The following ATF3 variants were observed in gnomAD, a reference collection of about 807,000 sequenced individuals.
ATF3 encodes cyclic AMP-dependent transcription factor ATF-3.
Under a neutral mutation model 18.4 loss-of-function variants are expected in ATF3, and 10 were observed. The observed-to-expected ratio is 0.54, with a 90% confidence interval of 0.34 to 0.92. The LOEUF is 0.92. Among genes scored for constraint, ATF3 ranks in the 40% least tolerant of loss-of-function variants. ATF3 has a pLI of 0.02. For missense variants in ATF3, 183 were observed against 222.3 expected, an observed-to-expected ratio of 0.82 and a Z score of 1.12; for synonymous variants, 78 against 87.9, an observed-to-expected ratio of 0.89 and a Z score of 0.63.
intron 1 of ATF3, among the ~76,000 whole-genome samples, chr1:212,590,662 T>G (rs1664867055): frequency 6.6e-6 from 1 of 152,210 alleles, no homozygotes; most frequent in African/African-American, 2.4e-5. Context: ...GAATTCAGTG[T>G]GAACACAGAG....
rs1215132248 is a variant in ATF3, at chr1:212,610,458, C to T, written c.-5+1528C>T. Among the ~76,000 whole-genome samples, 3 of 152,142 alleles carry T rather than the reference C, an allele frequency of 2.0e-5. No homozygotes were observed. In the East Asian group the frequency reaches 5.8e-4, roughly 29 times the overall value. ...AGAATAATGCTACAACATACAGGCT[C>T]CTGCTTTGAGGATATCCTGGGCAAA... On this transcript the variant is annotated intron_variant, in intron 1 of 3. Transcript: ENST00000341491.
At chr1:212,571,017 T>C (rs1664469473) in intron 1 of ATF3, among the ~76,000 whole-genome samples, 2 of 152,216 alleles carry the variant, frequency 1.3e-5, no homozygotes, top group Admixed American at 6.5e-5. Flanking sequence ...TAGATGTATA[T>C]TTCATTTTAT....
chr1:212,592,134 C>T (rs1013778006), intron 1 of ATF3, among the ~76,000 whole-genome samples: 1 of 151,724 alleles, frequency 6.6e-6, no homozygotes, highest in African/African-American at 2.4e-5. Context: ...AACTCTGTAC[C>T]CATTAAACAA....
intron 1 of ATF3, among the ~76,000 whole-genome samples, chr1:212,566,155 G>A (rs1193802342): frequency 6.6e-6 from 1 of 152,152 alleles, no homozygotes; most frequent in Non-Finnish European, 1.5e-5. Context: ...TTGGCAGCTG[G>A]TTCTGCCAAG....
chr1:212,571,869 G>T (rs1438482717), intron 1 of ATF3, among the ~76,000 whole-genome samples: 2 of 151,610 alleles, frequency 1.3e-5, no homozygotes, highest in Non-Finnish European at 2.9e-5. Flanking sequence ...CCGCCACCAG[G>T]CCCGGCTAAT....
At position 212,618,388 on chromosome 1, in the gene ATF3, G is replaced by A. The variant is rs1030620911; in HGVS notation, c.348+154G>A. 3 of 795,426 alleles carry A rather than the reference G, an allele frequency of 3.8e-6. No individual in the cohort carries two copies. Among genetic ancestry groups the A allele is most frequent in the Non-Finnish European group, 6.7e-6 (3 of 449,978 alleles). The allele number at this position is 795,426 out of a possible 1,614,324, so 49.3% of individuals were successfully genotyped here. A position where few individuals can be genotyped will look rare whatever the true frequency, so the allele number is the denominator to read the frequency against. ...GTAGCAGAAATGCCAGTTGCAGAAT[G>A]AGGAGGTGGCAAAGCAGTTAACACA... On this transcript the variant is annotated intron_variant, in intron 3 of 3. Coordinates refer to ENST00000341491, the MANE Select transcript of ATF3 (RefSeq NM_001674.4). The surrounding 1 kb of genome is among the most constrained non-coding windows in gnomAD (Gnocchi z 4.4).
rs762608203 is a variant in ATF3, at chr1:212,620,087, G to A, written c.*532G>A. ...AGAAAACTAGGCAATGTACTCTTCC[G>A]ATGTTTGTGTCACACAACACTGATG... On this transcript the variant is annotated 3_prime_UTR_variant, in exon 4 of 4. Coordinates refer to ENST00000341491, the MANE Select transcript of ATF3 (RefSeq NM_001674.4). The A allele has an allele frequency of 1.1e-4, 19 of 173,154 alleles. No individual in the cohort carries two copies. The highest frequency in any genetic ancestry group is 1.4e-4 in the African/African-American group (6 of 42,066). The allele number at this position is 173,154 out of a possible 1,614,324, so 10.7% of individuals were successfully genotyped here. A position where few individuals can be genotyped will look rare whatever the true frequency, so the allele number is the denominator to read the frequency against.
chr1:212,572,338 GA>G (rs1664500430), intron 1 of ATF3, among the ~76,000 whole-genome samples: 1 of 152,008 alleles, frequency 6.6e-6, no homozygotes, highest in Non-Finnish European at 1.5e-5. Flanking sequence ...CCAAGATGGA[GA>G]AACCCCCATC....
intron 1 of ATF3, among the ~76,000 whole-genome samples, chr1:212,609,610 G>A (rs576168755): frequency 6.6e-6 from 1 of 152,296 alleles, no homozygotes; most frequent in East Asian, 1.9e-4. Context: ...GCGCTGTCCC[G>A]GGGCGGAAGA....
chr1:212,601,567 T>C (rs1654485055), intron 1 of ATF3, among the ~76,000 whole-genome samples: 1 of 152,246 alleles, frequency 6.6e-6, no homozygotes, highest in Non-Finnish European at 1.5e-5. Flanking sequence ...TCTTAACCTT[T>C]CTGTGCTTTG....
chr1:212,600,946 G>C (rs1252946964), intron 1 of ATF3, among the ~76,000 whole-genome samples: 1 of 152,034 alleles, frequency 6.6e-6, no homozygotes, highest in African/African-American at 2.4e-5. Flanking sequence ...ATATTAATTT[G>C]CCACCTAAAC....
chr1:212,585,235 C>A (rs1039065867), intron 1 of ATF3, among the ~76,000 whole-genome samples: 3 of 152,124 alleles, frequency 2.0e-5, no homozygotes, highest in Admixed American at 6.5e-5. Context: ...GCTGCTGAGC[C>A]CAGGGGACGT....
At chr1:212,592,921 C>T (rs1278000307) in intron 1 of ATF3, among the ~76,000 whole-genome samples, 1 of 152,072 alleles carries the variant, frequency 6.6e-6, no homozygotes, top group Non-Finnish European at 1.5e-5. Flanking sequence ...CCATTTGACC[C>T]AGCCATCCCA....
chr1:212,585,590 G>A (rs1451854868), intron 1 of ATF3, among the ~76,000 whole-genome samples: 2 of 152,096 alleles, frequency 1.3e-5, no homozygotes, highest in Non-Finnish European at 2.9e-5. Flanking sequence ...TGAAGCAGGA[G>A]CAAGTTTCAT....
intron 1 of ATF3, among the ~76,000 whole-genome samples, chr1:212,610,881 C>G (rs961031727): frequency 5.3e-5 from 8 of 152,174 alleles, no homozygotes; most frequent in Non-Finnish European, 1.0e-4. Flanking sequence ...TTGGCATGGG[C>G]TGGGCCACTC....
intron 1 of ATF3, among the ~76,000 whole-genome samples, chr1:212,609,375 TG>T (rs1192833712): frequency 0.27 from 17,295 of 63,978 alleles, 486 homozygotes; most frequent in Admixed American, 0.36. Context: ...CCTTCCCGGG[TG>T]GGGGGGGGGG....
rs760151080 is a variant in ATF3, at chr1:212,618,219, G to A, written c.333G>A (p.Thr111=). The stretch of plus-strand genomic sequence containing the variant: ...GCCGAAACAAGAAGAAGGAGAAGAC[G>A]GAGTGCCTGCAGAAAGTGAGTGCCT... ...AKCRNKKKEK[T]ECLQKESEKL... Residue 111 remains threonine (T), a synonymous_variant, in exon 3 of 4, where the codon ACG becomes ACA. Coordinates refer to ENST00000341491, the MANE Select transcript of ATF3 (RefSeq NM_001674.4). The surrounding 1 kb of genome is among the most constrained non-coding windows in gnomAD (Gnocchi z 4.4). The A allele has an allele frequency of 6.6e-5, 106 of 1,613,888 alleles. No individual in the cohort carries two copies. Among genetic ancestry groups the A allele is most frequent in the Admixed American group, 8.3e-5 (5 of 59,980 alleles).
chr1:212,586,307 C>T (rs1281769507), intron 1 of ATF3, among the ~76,000 whole-genome samples: 2 of 152,154 alleles, frequency 1.3e-5, no homozygotes, highest in Non-Finnish European at 2.9e-5. Flanking sequence ...CCTATGTCTC[C>T]CTCTCCCCTT....
At chr1:212,615,341 G>T in intron 2 of ATF3, 80 bp downstream of exon 2, 1 of 1,524,020 alleles carries the variant, frequency 6.6e-7, no homozygotes. Flanking sequence ...TTCTAGGCAG[G>T]GGGCTGTTGT....
Sources: allele counts gnomAD v4.1 joint callset (sites outside exome capture counted in the v4.1 genomes callset), GRCh38; gene constraint gnomAD v4.1.1; non-coding constraint Gnocchi (gnomAD v3.1); transcripts MANE v1.5; gene names NCBI Gene and HGNC (gene_info 2026-07-23, HGNC 2026-07-21).